Variants in MPST observed in about 807,000 individuals in gnomAD.
MPST encodes 3-mercaptopyruvate sulfurtransferase.
A neutral mutation model predicts 28.5 loss-of-function variants in MPST; 27 were observed. The observed-to-expected ratio is 0.95, with a 90% CI of 0.70 to 1.31. The LOEUF is 1.31. Ranked by LOEUF, MPST falls within the 50% of genes most tolerant of loss-of-function variation. The pLI is 0.00. For synonymous variants in MPST, 204 were observed against 209.3 expected, an observed-to-expected ratio of 0.97 and a Z score of 0.22; for missense variants, 492 against 471.1, an observed-to-expected ratio of 1.04 and a Z score of -0.41.
At chr22:37,023,701 T>TCTAA (rs1185598521) in intron 1 of MPST, 3 of 986,642 alleles carry the variant, frequency 3.0e-6, no homozygotes, top group Non-Finnish European at 3.8e-6. Context: ...TTGTTAGGAT[T>TCTAA]CAGTGGTACC....
chr22:37,024,761 C>A lies in MPST; in HGVS notation c.606C>A (p.Asp202Glu). 6.2e-7 allele frequency: 1 copy of A among 1,601,600 alleles called. No homozygotes were observed. The highest frequency in any genetic ancestry group is 8.5e-7 in the Non-Finnish European group (1 of 1,179,626). ...NLESRRFQVVDSRATGRFRGT... is the reference protein window; with the variant it reads ...NLESRRFQVVESRATGRFRGT... ...AATCCCGGCGCTTCCAGGTGGTGGA[C>A]TCCCGAGCCACTGGCAGGTTCCGCG... The change falls in exon 2 of 3, where the codon GAC becomes GAA. Residue 202 changes from aspartate to glutamate, a missense_variant. Asp to Glu is a conservative substitution (Grantham distance 45). Transcript: ENST00000429360.
intron 2 of MPST, 167 bp downstream of exon 2, chr22:37,024,977 C>G: frequency 6.7e-7 from 1 of 1,503,404 alleles, no homozygotes; most frequent in Non-Finnish European, 9.0e-7. Flanking sequence ...TCCCCCTTTT[C>G]CCTACCCTTG....
chr22:37,023,799 G>C (rs1569165516), intron 1 of MPST: 1 of 1,219,436 alleles, frequency 8.2e-7, no homozygotes, highest in Non-Finnish European at 1.0e-6. Flanking sequence ...TTCCGTCTGG[G>C]ACTTGGTTGC....
In MPST at chr22:37,024,323, G is replaced by T; in HGVS notation, c.168G>T (p.Trp56Cys). 2 of 1,535,948 alleles carry T rather than the reference G, an allele frequency of 1.3e-6. No individual in the cohort carries two copies. Among genetic ancestry groups the T allele is most frequent in the Non-Finnish European group, 8.7e-7 (1 of 1,143,768 alleles). ...CTCTGCAGCTGCTGGACGCCTCCTG[G>T]TACCTGCCGAAGCTGGGGCGCGACG... is the stretch of plus-strand genomic sequence containing the variant. The part of the protein sequence containing the change: ...GQPLQLLDAS[W>C]YLPKLGRDAR... The change falls in exon 2 of 3, where the codon TGG becomes TGT. Residue 56 changes from tryptophan to cysteine, a missense_variant. Trp to Cys is a radical substitution (Grantham distance 215, BLOSUM62 -2). Transcript: ENST00000429360.
intron 1 of MPST, chr22:37,023,680 G>A (rs1601456830): frequency 2.4e-6 from 2 of 820,420 alleles, no homozygotes; most frequent in Non-Finnish European, 1.6e-6. Context: ...GTCAGGCATT[G>A]TTCTAGGATA....
rs140275076 is a variant in MPST, at chr22:37,029,424, C to T, written c.864C>T (p.Asp288=). ...ALGAYLCGKP[D]VPIYDGSWVE... ...GGGCCTACCTCTGCGGCAAGCCAGA[C>T]GTGCCCATCTACGATGGCTCCTGGG... The change falls in exon 3 of 3, where the codon GAC becomes GAT. Residue 288 remains aspartate (D), a synonymous_variant. Coordinates refer to ENST00000429360, the MANE Select transcript of MPST (RefSeq NM_021126.8). 3.0e-5 allele frequency: 48 copies of T among 1,613,796 alleles called. No individual in the cohort carries two copies. Among genetic ancestry groups the T allele is most frequent in the Admixed American group, 5.0e-5 (3 of 60,012 alleles).
chr22:37,021,693 G>A (rs768925861), intron 1 of MPST, among the ~76,000 whole-genome samples: 12 of 152,022 alleles, frequency 7.9e-5, no homozygotes, highest in Non-Finnish European at 1.6e-4. Context: ...GGCTGGTCTT[G>A]AACTCTTGAC....
chr22:37,019,801 GC>G lies in MPST; in HGVS notation c.-35del. The G allele has an allele frequency of 9.0e-7, 1 of 1,108,292 alleles. No individual in the cohort carries two copies. Among genetic ancestry groups the G allele is most frequent in the Non-Finnish European group, 1.1e-6 (1 of 874,744 alleles). 68.7% of individuals were successfully genotyped at this position (1,108,292 alleles called of 1,614,324 possible). ...TTGGTGGCGGGAGGAGGGGACAGCT[GC>G]GGGCGCGGGGAGGGGGCGCCGCGCC... On this transcript the variant is annotated 5_prime_UTR_variant, in exon 1 of 3. Transcript: ENST00000429360.
At chr22:37,027,379 G>C (rs1923604008) in intron 2 of MPST, 1 of 152,202 alleles carries the variant, frequency 6.6e-6, no homozygotes, top group Non-Finnish European at 1.5e-5. Flanking sequence ...CTGCAGAGGT[G>C]TGGGCCTTTC....
chr22:37,024,002 C>T (rs1923271779), intron 1 of MPST, 190 bp from the exon 2 acceptor site: 1 of 1,384,810 alleles, frequency 7.2e-7, no homozygotes, highest in African/African-American at 1.5e-5. Flanking sequence ...TATATGAGGC[C>T]TGGCAGAGGG....
chr22:37,023,100 T>G (rs1402012978), intron 1 of MPST: 1 of 152,916 alleles, frequency 6.5e-6, no homozygotes, highest in East Asian at 1.9e-4. Context: ...TTGCTGCTGC[T>G]AGAAGGGCCA....
intron 1 of MPST, 80 bp downstream of exon 1, chr22:37,019,952 G>T (rs1922937194): frequency 1.4e-6 from 1 of 691,280 alleles, no homozygotes. Context: ...CGGGGCTCCC[G>T]CGCGGGACCT....
At chr22:37,023,047 C>T in intron 1 of MPST, 1 of 153,024 alleles carries the variant, frequency 6.5e-6, no homozygotes, top group Non-Finnish European at 1.5e-5. Context: ...CTCTGGTATG[C>T]AGGAAAGATA....
chr22:37,022,516 T>A (rs1923148135), intron 1 of MPST, among the ~76,000 whole-genome samples: 1 of 152,090 alleles, frequency 6.6e-6, no homozygotes, highest in Admixed American at 6.5e-5. Context: ...GCACAGGGTG[T>A]CACCCTAGAA....
chr22:37,024,026 C>T, intron 1 of MPST, 166 bp from the exon 2 acceptor site: 1 of 1,304,104 alleles, frequency 7.7e-7, no homozygotes. Context: ...CCCCTGGCTA[C>T]CCACCTTTGT....
rs771426119 is a variant in MPST at position 37,023,877 on chromosome 22, A to AG, written c.37-312dup. The AG allele has an allele frequency of 4.2e-5, 62 of 1,474,022 alleles. No homozygotes were observed. The African/African-American group carries it at 6.8e-4, about 16-fold the overall frequency. 91.3% of individuals were successfully genotyped at this position (1,474,022 alleles called of 1,614,324 possible). A position where few individuals can be genotyped will look rare whatever the true frequency, so the allele number is the denominator to read the frequency against. On this transcript the variant is annotated intron_variant, in intron 1 of 2. Coordinates refer to ENST00000429360, the MANE Select transcript of MPST (RefSeq NM_021126.8). ...CCCCTGTTTGTGCCTTGAAGCCAGC[A>AG]GGGCCTTGCCCTAGGATACCTCCAC...
At position 37,024,602 on chromosome 22, in the gene MPST, T is replaced by C. The variant is rs1420396682; in HGVS notation, c.447T>C (p.Asp149=). 6.3e-7 allele frequency: 1 copy of C among 1,594,448 alleles called. No homozygotes were observed. Among genetic ancestry groups the C allele is most frequent in the East Asian group, 2.2e-5 (1 of 44,590 alleles). ...AFGHHAVSLL[D]GGLRHWLRQN... ...GCCACCACGCCGTGTCACTGCTTGA[T>C]GGCGGCCTCCGCCACTGGCTGCGCC... The change falls in exon 2 of 3, where the codon GAT becomes GAC. Residue 149 remains aspartate (D), a synonymous_variant. Transcript: ENST00000429360.
At chr22:37,023,979 C>G (rs768287331) in intron 1 of MPST, 2 of 1,464,548 alleles carry the variant, frequency 1.4e-6, no homozygotes, top group East Asian at 2.7e-5. Context: ...TTGGGTCACT[C>G]GGAGCTTGTG....
chr22:37,021,349 C>T (rs1923057564), intron 1 of MPST, among the ~76,000 whole-genome samples: 1 of 152,142 alleles, frequency 6.6e-6, no homozygotes, highest in African/African-American at 2.4e-5. Context: ...AGCAGGGAGA[C>T]TGGGGCAGGG....
Sources: allele counts gnomAD v4.1 joint callset (sites outside exome capture counted in the v4.1 genomes callset), GRCh38; gene constraint gnomAD v4.1.1; transcripts MANE v1.5; gene names NCBI Gene and HGNC (gene_info 2026-07-23, HGNC 2026-07-21).